DNAAF9: variants seen among roughly 807,000 people sequenced by gnomAD.
DNAAF9 encodes shulin.
DNAAF9 carries 90 observed loss-of-function variants against 167.0 expected under a neutral mutation model. The ratio of observed to expected loss-of-function variants is 0.54; its 90% CI spans 0.45 to 0.64. The LOEUF is 0.64. DNAAF9 is among the 30% of genes least tolerant of loss of function. The pLI is 0.00. For synonymous variants in DNAAF9, 491 were observed against 508.8 expected, an observed-to-expected ratio of 0.96 and a Z score of 0.47; for missense variants, 1,315 against 1,442.2, an observed-to-expected ratio of 0.91 and a Z score of 1.43.
rs532030132 is a variant in DNAAF9, at chr20:3,259,408, AG to A, written c.3055+71del. ...TCAGTGGTCTGCAGAGCACCAGCAGAGGCTCTGAACTCACATCATGAGATGC... is the reference window on the plus strand; with the variant it reads ...TCAGTGGTCTGCAGAGCACCAGCAGAGCTCTGAACTCACATCATGAGATGC... On this transcript the variant is annotated intron_variant, in intron 33 of 36. Coordinates refer to ENST00000252032, the MANE Select transcript of DNAAF9 (RefSeq NM_001009984.3). 2.1e-4 allele frequency: 206 copies of A among 971,312 alleles called. 1 individual carries two copies. In the African/African-American group the frequency reaches 2.9e-3, roughly 14 times the overall value. 60.2% of individuals were successfully genotyped at this position (971,312 alleles called of 1,614,324 possible). A position where few individuals can be genotyped will look rare whatever the true frequency, so the allele number is the denominator to read the frequency against.
intron 30 of DNAAF9, among the ~76,000 whole-genome samples, chr20:3,266,898 G>A (rs1322782259): frequency 6.7e-6 from 1 of 149,112 alleles, no homozygotes; most frequent in Non-Finnish European, 1.5e-5. Context: ...TGTTGCCTAG[G>A]CTAGAGTGCA....
At chr20:3,263,979 C>T (rs2068440083) in intron 31 of DNAAF9, among the ~76,000 whole-genome samples, 2 of 152,230 alleles carry the variant, frequency 1.3e-5, no homozygotes, top group South Asian at 4.1e-4. Context: ...GTCCTCTTCT[C>T]CTCTGGAGAG....
rs117618176 is a variant in DNAAF9 at position 3,299,069 on chromosome 20, C to T, written c.1783-894G>A. Among the ~76,000 whole-genome samples the T allele has an allele frequency of 7.3e-3, 1,101 of 151,582 alleles. 7 individuals are homozygous for T. Among genetic ancestry groups the T allele is most frequent in the Non-Finnish European group, 0.013 (861 of 67,854 alleles). Reference sequence around the variant, plus strand: ...GACTACAGGTCCGTGCCACCATGCCCGGCTAATGCTTATATTTTCAGTAGA... The same window carrying T: ...GACTACAGGTCCGTGCCACCATGCCTGGCTAATGCTTATATTTTCAGTAGA... On this transcript the variant is annotated intron_variant, in intron 21 of 36. Coordinates refer to ENST00000252032, the MANE Select transcript of DNAAF9 (RefSeq NM_001009984.3).
intron 6 of DNAAF9, among the ~76,000 whole-genome samples, chr20:3,366,271 G>A (rs1017150249): frequency 1.3e-5 from 2 of 152,176 alleles, no homozygotes; most frequent in African/African-American, 4.8e-5. Context: ...TGGATGTTGT[G>A]TTAGTAGGCA....
At chr20:3,269,367 C>A (rs893478984) in intron 30 of DNAAF9, among the ~76,000 whole-genome samples, 3 of 152,058 alleles carry the variant, frequency 2.0e-5, no homozygotes, top group African/African-American at 7.2e-5. Flanking sequence ...CACAACCATG[C>A]TGGCTGTTTT....
chr20:3,366,676 G>C (rs573199727), intron 6 of DNAAF9, among the ~76,000 whole-genome samples: 18 of 152,216 alleles, frequency 1.2e-4, no homozygotes, highest in African/African-American at 4.3e-4. Context: ...TGTAATCCCA[G>C]GACTTTGGGA....
Position 3,400,717 on chromosome 20 carries a change from C to T in DNAAF9, c.83+6758G>A, listed in dbSNP as rs552471805. Among the ~76,000 whole-genome samples, 7 of 152,298 alleles carry T rather than the reference C, an allele frequency of 4.6e-5. No homozygotes were observed. In the South Asian group the frequency reaches 1.5e-3, roughly 32 times the overall value. On this transcript the variant is annotated intron_variant, in intron 1 of 36. Coordinates refer to ENST00000252032, the MANE Select transcript of DNAAF9 (RefSeq NM_001009984.3). ...GCATTTGTGTCTCATTCACTCCCCTCTCCAAAGGTCAGAACCTCAGAGAAG... is the reference window on the plus strand; with the variant it reads ...GCATTTGTGTCTCATTCACTCCCCTTTCCAAAGGTCAGAACCTCAGAGAAG...
chr20:3,320,211 T>C (rs1600776941), intron 16 of DNAAF9, among the ~76,000 whole-genome samples: 1 of 152,320 alleles, frequency 6.6e-6, no homozygotes, highest in East Asian at 1.9e-4. Context: ...ATGAAGGTCA[T>C]CATATGACAC....
intron 30 of DNAAF9, among the ~76,000 whole-genome samples, chr20:3,266,163 G>A (rs528677967): frequency 3.9e-5 from 6 of 152,182 alleles, no homozygotes; most frequent in Non-Finnish European, 7.3e-5. Context: ...TTAATACCCA[G>A]GTGGTGTTGC....
chr20:3,371,920 A>G (rs567766927), intron 6 of DNAAF9, among the ~76,000 whole-genome samples: 2 of 152,234 alleles, frequency 1.3e-5, no homozygotes, highest in Admixed American at 1.3e-4. Flanking sequence ...GAGGCAGAAA[A>G]CGCCCTAGCA....
chr20:3,396,440 T>C (rs562338909), intron 1 of DNAAF9, among the ~76,000 whole-genome samples: 3 of 152,244 alleles, frequency 2.0e-5, no homozygotes, highest in East Asian at 1.9e-4. Context: ...TAGCAATAAA[T>C]GAAAGGACAA....
intron 6 of DNAAF9, among the ~76,000 whole-genome samples, chr20:3,366,666 T>C (rs1228704110): frequency 6.6e-6 from 1 of 152,176 alleles, no homozygotes; most frequent in Non-Finnish European, 1.5e-5. Flanking sequence ...GGCTCACACA[T>C]GTAATCCCAG....
At chr20:3,314,837 TTC>T (rs2069475076) in intron 20 of DNAAF9, among the ~76,000 whole-genome samples, 194 bp downstream of exon 20, 1 of 152,186 alleles carries the variant, frequency 6.6e-6, no homozygotes, top group African/African-American at 2.4e-5. Flanking sequence ...CCAGGTACAG[TTC>T]TGTGATCAGC....
At chr20:3,257,128 T>C (rs1020835195) in intron 33 of DNAAF9, among the ~76,000 whole-genome samples, 4 of 151,872 alleles carry the variant, frequency 2.6e-5, no homozygotes, top group African/African-American at 7.3e-5. Context: ...ACCCAAGAAG[T>C]GGGCAAGGGC....
intron 27 of DNAAF9, among the ~76,000 whole-genome samples, chr20:3,283,423 G>GA (rs1328900415): frequency 6.6e-6 from 1 of 152,236 alleles, no homozygotes; most frequent in Non-Finnish European, 1.5e-5. Context: ...GTAGAGAACG[G>GA]GGTTTACTAG....
At chr20:3,278,850 CTA>C (rs2068717546) in intron 29 of DNAAF9, 60 bp downstream of exon 29, 2 of 1,207,410 alleles carry the variant, frequency 1.7e-6, no homozygotes, top group Non-Finnish European at 2.5e-6. Context: ...GAAGAAAAGT[CTA>C]TTGCTGAATT....
intron 6 of DNAAF9, among the ~76,000 whole-genome samples, chr20:3,360,374 C>T (rs558755829): frequency 2.2e-4 from 33 of 152,216 alleles, no homozygotes; most frequent in Non-Finnish European, 4.4e-4. Flanking sequence ...ACCTCAACCT[C>T]CCAAACTGCT....
chr20:3,280,500 G>C (rs184629085), intron 28 of DNAAF9, among the ~76,000 whole-genome samples: 43 of 151,734 alleles, frequency 2.8e-4, no homozygotes, highest in African/African-American at 1.0e-3. Context: ...GGGAGGCGGA[G>C]GTTGCAGTGA....
chr20:3,396,633 C>G (rs902355961), intron 1 of DNAAF9, among the ~76,000 whole-genome samples: 2 of 152,120 alleles, frequency 1.3e-5, no homozygotes, highest in Non-Finnish European at 2.9e-5. Flanking sequence ...TCAAGAATAC[C>G]TTTGCATAAA....
Sources: gnomAD v4.1 joint callset for allele counts (sites outside exome capture counted in the v4.1 genomes callset) on GRCh38, gnomAD v4.1.1 for gene constraint, MANE v1.5 for transcripts, NCBI Gene and HGNC (gene_info 2026-07-23, HGNC 2026-07-21) for gene names.